Variants in PLCL1 observed in about 807,000 individuals in gnomAD.
The protein encoded by PLCL1 is phospholipase C like 1 (inactive).
Under a neutral mutation model 84.4 loss-of-function variants are expected in PLCL1, and 41 were observed. The ratio of observed to expected loss-of-function variants is 0.49; its 90% CI spans 0.38 to 0.63. The LOEUF (loss-of-function observed/expected upper bound fraction) is 0.63. PLCL1 is among the 30% of genes least tolerant of loss of function. PLCL1 has a pLI of 0.00. For synonymous variants in PLCL1, 490 were observed against 488.3 expected (o/e 1.00, Z -0.05); for missense variants, 1,206 against 1,367.8 (o/e 0.88, Z 1.87).
At chr2:198,104,528 G>A (rs114086515) in intron 5 of PLCL1, among the ~76,000 whole-genome samples, 1,660 of 152,004 alleles carry the variant, frequency 0.011, 15 homozygotes, top group African/African-American at 0.021. Context: ...TATGGTAGAA[G>A]GAATTATATT....
chr2:197,931,675 ACCACCCACCCAC>A (rs1233391078), intron 1 of PLCL1, among the ~76,000 whole-genome samples: 2 of 90,770 alleles, frequency 2.2e-5, no homozygotes, highest in Non-Finnish European at 4.6e-5. Context: ...CAACCAACCA[ACCACCCACCCAC>A]CCACCCACCC....
chr2:197,875,184 G>A (rs1025971789), intron 1 of PLCL1, among the ~76,000 whole-genome samples: 1 of 152,080 alleles, frequency 6.6e-6, no homozygotes, highest in South Asian at 2.1e-4. Context: ...TGCTCGGGAG[G>A]CTGAGGCAGG....
At chr2:197,889,519 TC>T (rs1295716538) in intron 1 of PLCL1, among the ~76,000 whole-genome samples, 2 of 152,186 alleles carry the variant, frequency 1.3e-5, no homozygotes, top group East Asian at 1.9e-4. Context: ...TAAACTTTTT[TC>T]TCCGATTTAC....
At chr2:198,121,655 A>G (rs1348873636) in intron 5 of PLCL1, among the ~76,000 whole-genome samples, 1 of 151,816 alleles carries the variant, frequency 6.6e-6, no homozygotes. Context: ...ATTCTGTTCC[A>G]TTGGTCGATA....
intron 4 of PLCL1, 32 bp from the exon 5 acceptor site, chr2:198,103,795 A>G (rs759953096): frequency 1.3e-5 from 14 of 1,110,624 alleles, no homozygotes; most frequent in Middle Eastern, 2.0e-4. Context: ...TGAGATATAT[A>G]CTCAGATTTC....
At chr2:197,957,521 A>G (rs1345389277) in intron 1 of PLCL1, among the ~76,000 whole-genome samples, 2 of 152,066 alleles carry the variant, frequency 1.3e-5, no homozygotes, top group Non-Finnish European at 2.9e-5. Flanking sequence ...TATTGGATAC[A>G]TGTAGATATG....
chr2:197,890,516 A>T (rs1180659750), intron 1 of PLCL1, among the ~76,000 whole-genome samples: 1 of 151,998 alleles, frequency 6.6e-6, no homozygotes, highest in Admixed American at 6.6e-5. Context: ...TTAAAATGTA[A>T]AAAAGATATA....
intron 1 of PLCL1, among the ~76,000 whole-genome samples, chr2:197,918,642 C>G (rs569073079): frequency 1.3e-5 from 2 of 151,974 alleles, no homozygotes; most frequent in African/African-American, 2.4e-5. Context: ...GTAAAGTTGG[C>G]CAGGCACGGT....
At chr2:197,970,383 C>T (rs757610329) in intron 1 of PLCL1, among the ~76,000 whole-genome samples, 14 of 152,174 alleles carry the variant, frequency 9.2e-5, no homozygotes, top group Non-Finnish European at 1.6e-4. Context: ...CTTAAAGGTG[C>T]CACCTCTTAA....
At chr2:197,981,569 AT>A (rs1690105711) in intron 1 of PLCL1, among the ~76,000 whole-genome samples, 1 of 152,218 alleles carries the variant, frequency 6.6e-6, no homozygotes, top group South Asian at 2.1e-4. Context: ...CTATGAAAAG[AT>A]TAATACAGTA....
intron 1 of PLCL1, among the ~76,000 whole-genome samples, chr2:197,991,198 T>C (rs1361195088): frequency 2.0e-5 from 3 of 152,158 alleles, no homozygotes; most frequent in African/African-American, 7.2e-5. Flanking sequence ...TTTCGCTTCG[T>C]GCCTTCTTGC....
chr2:197,922,935 G>A (rs796923929), intron 1 of PLCL1, among the ~76,000 whole-genome samples: 6,103 of 101,002 alleles, frequency 0.06, 207 homozygotes, highest in East Asian at 0.09. Flanking sequence ...CAGATGGGGC[G>A]GCTGGCCGGG....
At chr2:197,950,286 C>A (rs1391615299) in intron 1 of PLCL1, among the ~76,000 whole-genome samples, 1 of 152,048 alleles carries the variant, frequency 6.6e-6, no homozygotes, top group Non-Finnish European at 1.5e-5. Context: ...CCTTCTCTTG[C>A]CCCTCTCAGC....
intron 1 of PLCL1, among the ~76,000 whole-genome samples, chr2:198,077,748 T>C (rs572671413): frequency 5.3e-5 from 8 of 152,262 alleles, no homozygotes; most frequent in East Asian, 1.9e-4. Flanking sequence ...AGATGGCCCA[T>C]AGTCATGTAA....
intron 1 of PLCL1, among the ~76,000 whole-genome samples, chr2:197,942,468 T>C (rs1174967263): frequency 6.6e-6 from 1 of 152,196 alleles, no homozygotes; most frequent in East Asian, 1.9e-4. Context: ...TTCTTACCAC[T>C]CTAAGCCTGC....
At chr2:198,113,910 A>G (rs961380123) in intron 5 of PLCL1, among the ~76,000 whole-genome samples, 5 of 151,820 alleles carry the variant, frequency 3.3e-5, no homozygotes, top group Non-Finnish European at 5.9e-5. Flanking sequence ...ATGTGTATCC[A>G]TAAAATTCAT....
At chr2:198,039,728 G>C (rs768110764) in intron 1 of PLCL1, among the ~76,000 whole-genome samples, 9 of 152,164 alleles carry the variant, frequency 5.9e-5, no homozygotes, top group Non-Finnish European at 1.0e-4. Context: ...ATTAGGAAGA[G>C]TAGCCATTTA....
chr2:198,004,112 T>G (rs1189118614), intron 1 of PLCL1, among the ~76,000 whole-genome samples: 1 of 152,012 alleles, frequency 6.6e-6, no homozygotes, highest in Non-Finnish European at 1.5e-5. Flanking sequence ...TAAACATTAT[T>G]TAAGGATTCA....
intron 1 of PLCL1, among the ~76,000 whole-genome samples, chr2:197,834,682 C>G (rs186868411): frequency 6.6e-6 from 1 of 152,152 alleles, no homozygotes; most frequent in Non-Finnish European, 1.5e-5. Context: ...GAAATAGGAA[C>G]GCTTGTACAC....
Sources: gnomAD v4.1 joint callset for allele counts (sites outside exome capture counted in the v4.1 genomes callset) on GRCh38, gnomAD v4.1.1 for gene constraint, MANE v1.5 for transcripts, NCBI Gene and HGNC (gene_info 2026-07-23, HGNC 2026-07-21) for gene names.